FNTA: variants seen among roughly 807,000 people sequenced by gnomAD.
FNTA encodes the protein protein farnesyltransferase/geranylgeranyltransferase type-1 subunit alpha.
Under a neutral mutation model 55.2 loss-of-function variants are expected in FNTA, and 27 were observed. The observed-to-expected ratio is 0.49, with a 90% CI of 0.36 to 0.67. The LOEUF (loss-of-function observed/expected upper bound fraction) is 0.67, where lower values mean the gene tolerates loss of function less well. Ranked by LOEUF, FNTA falls within the 30% of genes least tolerant of loss-of-function variation. FNTA has a pLI of 0.00. For synonymous variants in FNTA, 176 were observed against 170.7 expected (o/e 1.03, Z -0.24); for missense variants, 422 against 464.7 (o/e 0.91, Z 0.85).
intron 1 of FNTA, chr8:43,056,778 G>A (rs1810416211): frequency 5.6e-6 from 1 of 177,950 alleles, no homozygotes; most frequent in South Asian, 2.0e-4. Context: ...CTTTCCGCCT[G>A]CTTTAAGCCA....
In FNTA at chr8:43,084,804, T is replaced by G. The variant is rs1209614730; in HGVS notation, c.940T>G (p.Phe314Val). ...PSHSSPYLIA[F>V]LVDIYEDMLE... ...TCATAGTTCCCCCTACCTAATTGCC[T>G]TTCTTGTGGATATCTATGAAGACAT... Residue 314 changes from phenylalanine to valine, a missense_variant, in exon 8 of 9, where the codon TTT (phenylalanine) becomes GTT (valine). By Grantham distance (50) the Phe-to-Val change is conservative. This residue lies in a region of FNTA where 262 missense variants were observed against 343.1 expected (regional missense o/e 0.76). Transcript: ENST00000302279. 7 of 1,613,780 alleles carry G rather than the reference T, an allele frequency of 4.3e-6. No homozygotes were observed. Among genetic ancestry groups the G allele is most frequent in the Non-Finnish European group, 5.9e-6 (7 of 1,179,802 alleles).
At chr8:43,059,263 C>G in intron 2 of FNTA, 86 bp downstream of exon 2, 1 of 844,764 alleles carries the variant, frequency 1.2e-6, no homozygotes, top group Non-Finnish European at 1.8e-6. Flanking sequence ...AGATAGATGA[C>G]AAATTTCTGT....
In FNTA at chr8:43,069,603, G is replaced by A. The variant is rs1810739598; in HGVS notation, c.450G>A (p.Glu150=). 5 of 1,613,750 alleles carry A rather than the reference G, an allele frequency of 3.1e-6. No individual in the cohort carries two copies. Among genetic ancestry groups the A allele is most frequent in the Non-Finnish European group, 4.2e-6 (5 of 1,179,738 alleles). The change falls in exon 4 of 9, where the codon GAG becomes GAA. Residue 150 remains glutamate (E), a synonymous_variant. Coordinates refer to ENST00000302279, the MANE Select transcript of FNTA (RefSeq NM_002027.3). ...LLKSLQKDLH[E]EMNYITAIIE... ...AGTCACTTCAGAAGGATCTACATGA[G>A]GAAATGAACTACATCACTGCAATAA...
At chr8:43,060,926 C>CA (rs1165463280) in intron 2 of FNTA, among the ~76,000 whole-genome samples, 2 of 151,908 alleles carry the variant, frequency 1.3e-5, no homozygotes, top group Non-Finnish European at 2.9e-5. Context: ...AGAGTTTAAT[C>CA]AAAAAATGGA....
intron 6 of FNTA, 92 bp downstream of exon 6, chr8:43,077,456 T>A: frequency 2.1e-6 from 2 of 967,332 alleles, no homozygotes; most frequent in Non-Finnish European, 3.1e-6. Flanking sequence ...ATCAAGATCC[T>A]ACCCCATGGA....
chr8:43,079,242 A>G (rs973170675), intron 6 of FNTA: 11 of 196,750 alleles, frequency 5.6e-5, no homozygotes, highest in African/African-American at 2.1e-4. Context: ...ACAGCCTTCT[A>G]TTGGAAGAAG....
chr8:43,075,731 G>A (rs929281379), intron 5 of FNTA, among the ~76,000 whole-genome samples: 2 of 152,116 alleles, frequency 1.3e-5, no homozygotes, highest in East Asian at 3.9e-4. Context: ...CAAGAATATC[G>A]CTTGAGTCTG....
Position 43,085,287 on chromosome 8 carries a change from A to C in FNTA, c.*5A>C. 6.3e-7 allele frequency: 1 copy of C among 1,598,280 alleles called. No individual in the cohort carries two copies. The highest frequency in any genetic ancestry group is 1.1e-5 in the South Asian group (1 of 87,184). ...CCAACAAATGTACAGCAATAACACC[A>C]TCCAGAAGAACTTGATGGAATGCTT... On this transcript the variant is annotated 3_prime_UTR_variant, in exon 9 of 9. Coordinates refer to ENST00000302279, the MANE Select transcript of FNTA (RefSeq NM_002027.3).
Position 43,056,326 on chromosome 8 carries a change from T to G in FNTA, c.-21T>G, listed in dbSNP as rs1236138546. 1.4e-6 allele frequency: 2 copies of G among 1,391,886 alleles called. No individual in the cohort carries two copies. The highest frequency in any genetic ancestry group is 3.0e-5 in the East Asian group (1 of 33,342). The allele number at this position is 1,391,886 out of a possible 1,614,324, so 86.2% of individuals were successfully genotyped here. On this transcript the variant is annotated 5_prime_UTR_variant, in exon 1 of 9. Coordinates refer to ENST00000302279, the MANE Select transcript of FNTA (RefSeq NM_002027.3). ...GAGGGGCGGGGCCTCCGCCACCACC[T>G]CAGCTGCGGACCGAGGCGAGATGGC...
intron 3 of FNTA, 142 bp downstream of exon 3, chr8:43,064,357 G>C (rs372345215): frequency 3.3e-5 from 19 of 571,446 alleles, no homozygotes; most frequent in African/African-American, 3.2e-4. Context: ...TGTTGCCCAG[G>C]CTGGAGTATA....
chr8:43,063,337 TTTTG>T (rs1352201646), intron 2 of FNTA: 1 of 455,604 alleles, frequency 2.2e-6, no homozygotes, highest in Non-Finnish European at 4.4e-6. Context: ...TGCCTCAGTC[TTTTG>T]TTTGTTTTTT....
rs1810400079 is a variant in FNTA at position 43,056,417 on chromosome 8, C to T, written c.71C>T (p.Pro24Leu). 6.6e-7 allele frequency: 1 copy of T among 1,523,980 alleles called. No individual in the cohort carries two copies. The highest frequency in any genetic ancestry group is 2.6e-5 in the East Asian group (1 of 38,082). 94.4% of individuals were successfully genotyped at this position (1,523,980 alleles called of 1,614,324 possible). A position where few individuals can be genotyped will look rare whatever the true frequency, so the allele number is the denominator to read the frequency against. ...GEPGQPAQPP[P>L]QPHPPPPQQQ... is the part of the protein sequence containing the mutation. ...CCCGGGCAGCCGGCGCAACCCCCGC[C>T]CCAGCCGCACCCACCGCCGCCCCAG... is the stretch of plus-strand genomic sequence containing the variant. The change falls in exon 1 of 9, where the codon CCC (proline) becomes CTC (leucine). Residue 24 changes from proline (P) to leucine (L), a missense_variant. Transcript: ENST00000302279.
Position 43,056,546 on chromosome 8 carries a change from G to A in FNTA, c.200G>A (p.Arg67Lys). 1 of 1,443,872 alleles carries A rather than the reference G, an allele frequency of 6.9e-7. No homozygotes were observed. Among genetic ancestry groups the A allele is most frequent in the Non-Finnish European group, 9.2e-7 (1 of 1,090,790 alleles). 89.4% of individuals were successfully genotyped at this position (1,443,872 alleles called of 1,614,324 possible). A position where few individuals can be genotyped will look rare whatever the true frequency, so the allele number is the denominator to read the frequency against. ...GACTCGCCCTCCTATGTCCTGTACA[G>A]GTAACGCCCCCGCGGCGGCCGCGGC... ...SLDSPSYVLY[R>K]DRAEWADIDP... The change falls in exon 1 of 9, where the codon AGG (arginine) becomes AAG (lysine). Residue 67 changes from arginine to lysine, a missense_variant and splice_region_variant. Transcript: ENST00000302279.
Position 43,084,771 on chromosome 8 carries a change from C to T in FNTA, c.907C>T (p.Gln303Ter). ...PNLLNQLLDL[Q>*]PSHSSPYLIA... ...TCTGTTAAATCAATTACTTGATTTA[C>T]AACCAAGTCATAGTTCCCCCTACCT... The change falls in exon 8 of 9, where the codon CAA becomes TAA. Residue 303 changes from glutamine (Q) to a stop codon, truncating the protein, a stop_gained. Coordinates refer to ENST00000302279, the MANE Select transcript of FNTA (RefSeq NM_002027.3). LOFTEE classifies it high-confidence loss of function. 6.2e-7 allele frequency: 1 copy of T among 1,612,042 alleles called. No individual in the cohort carries two copies. Among genetic ancestry groups the T allele is most frequent in the East Asian group, 2.2e-5 (1 of 44,862 alleles).
At chr8:43,067,488 G>T (rs547487394) in intron 3 of FNTA, among the ~76,000 whole-genome samples, 1 of 152,204 alleles carries the variant, frequency 6.6e-6, no homozygotes, top group East Asian at 1.9e-4. Flanking sequence ...AATCTACCCT[G>T]TTTAACTGGA....
chr8:43,056,806 C>T (rs561497498), intron 1 of FNTA: 2 of 168,038 alleles, frequency 1.2e-5, no homozygotes, highest in East Asian at 1.8e-4. Flanking sequence ...ACTGCTGCAC[C>T]CTTGACTGCA....
chr8:43,057,538 G>A (rs2130537222), intron 1 of FNTA, among the ~76,000 whole-genome samples: 1 of 152,268 alleles, frequency 6.6e-6, no homozygotes, highest in African/African-American at 2.4e-5. Flanking sequence ...CCAGGCTCTA[G>A]GTGTCACGTC....
chr8:43,081,120 TTTTA>T (rs1221950043), intron 6 of FNTA: 1 of 152,174 alleles, frequency 6.6e-6, no homozygotes, highest in Non-Finnish European at 1.5e-5. Flanking sequence ...ATTTTTTTCT[TTTTA>T]TTATAAAAGT....
chr8:43,063,238 G>A (rs755016884), intron 2 of FNTA: 3 of 455,374 alleles, frequency 6.6e-6, no homozygotes, highest in Middle Eastern at 7.2e-4. Context: ...GGATCACCAC[G>A]CCCGATTAAT....
Sources: allele counts gnomAD v4.1 joint callset (sites outside exome capture counted in the v4.1 genomes callset), GRCh38; gene constraint gnomAD v4.1.1; regional missense constraint gnomAD v4.1.1; transcripts MANE v1.5; gene names NCBI Gene and HGNC (gene_info 2026-07-23, HGNC 2026-07-21).